Variants in HMGA2 observed in about 807,000 individuals in gnomAD.
The protein encoded by HMGA2 is high mobility group protein HMGI-C.
A neutral mutation model predicts 19.1 loss-of-function variants in HMGA2; 8 were observed. That is an observed-to-expected ratio of 0.42 (90% confidence interval 0.25 to 0.76). The LOEUF is 0.76. Among genes scored for constraint, HMGA2 ranks in the 30% least tolerant of loss-of-function variants. The pLI is 0.28. For missense variants in HMGA2, 109 were observed against 136.3 expected (o/e 0.80, Z 1.00); for synonymous variants, 60 against 48.8 (o/e 1.23, Z -0.96).
intron 3 of HMGA2, among the ~76,000 whole-genome samples, chr12:65,882,393 T>G (rs1435876139): frequency 4.6e-5 from 7 of 151,972 alleles, no homozygotes. Flanking sequence ...AGCAGCTGAG[T>G]GTGGAAACAA....
chr12:65,932,350 C>T (rs1231876581), intron 3 of HMGA2, among the ~76,000 whole-genome samples: 1 of 152,156 alleles, frequency 6.6e-6, no homozygotes, highest in Non-Finnish European at 1.5e-5. Context: ...TTATGTTTCT[C>T]TTGATAATGT....
chr12:65,955,110 G>A (rs1371919829), intron 4 of HMGA2: 1 of 152,194 alleles, frequency 6.6e-6, no homozygotes, highest in African/African-American at 2.4e-5. Context: ...GAACCTGGTT[G>A]GCGGGGGAGG....
At chr12:65,838,666 C>T in intron 3 of HMGA2, 97 bp downstream of exon 3, 1 of 865,108 alleles carries the variant, frequency 1.2e-6, no homozygotes, top group Admixed American at 2.1e-5. Context: ...CATGAATTTC[C>T]AACTTCTGGT....
At chr12:65,849,734 G>GTCTTTTT (rs1309933646) in intron 3 of HMGA2, among the ~76,000 whole-genome samples, 1 of 102,036 alleles carries the variant, frequency 9.8e-6, no homozygotes, top group African/African-American at 5.9e-5. Context: ...GGTAGGCTCT[G>GTCTTTTT]TATTTTTTTT....
chr12:65,894,084 G>A (rs369492546), intron 3 of HMGA2, among the ~76,000 whole-genome samples: 10 of 152,222 alleles, frequency 6.6e-5, no homozygotes, highest in Middle Eastern at 3.4e-3. Context: ...CATTTCTTCC[G>A]TTGGCCAACT....
chr12:65,932,625 T>G (rs1875755699), intron 3 of HMGA2, among the ~76,000 whole-genome samples: 1 of 152,246 alleles, frequency 6.6e-6, no homozygotes, highest in Admixed American at 6.5e-5. Context: ...CACAGTACCA[T>G]GACAGATAGA....
chr12:65,943,193 T>C (rs1876148736), intron 3 of HMGA2, among the ~76,000 whole-genome samples: 1 of 152,240 alleles, frequency 6.6e-6, no homozygotes, highest in African/African-American at 2.4e-5. Flanking sequence ...TTCCTGCCTG[T>C]CATATAGTTC....
At position 65,824,729 on chromosome 12, in the gene HMGA2, C is replaced by CTCTCTCTG. The variant is rs1555179147; in HGVS notation, c.-535_-534insGTCTCTCT. The CTCTCTCTG allele has an allele frequency of 1.6e-4, 30 of 188,780 alleles. 1 individual carries two copies. Among genetic ancestry groups the CTCTCTCTG allele is most frequent in the African/African-American group, 9.1e-4 (29 of 31,886 alleles). The allele number at this position is 188,780 out of a possible 1,614,324, so 11.7% of individuals were successfully genotyped here. On this transcript the variant is annotated 5_prime_UTR_variant, in exon 1 of 5. Coordinates refer to ENST00000403681, the MANE Select transcript of HMGA2 (RefSeq NM_003483.6). Reference sequence around the variant, plus strand: ...CTCAATCTCTTCTCTCTCTCTCTCTCTCTCTCTCTCTCTCTCTCTCTCTCT... The same window carrying CTCTCTCTG: ...CTCAATCTCTTCTCTCTCTCTCTCTCTCTCTCTGTCTCTCTCTCTCTCTCTCTCTCTCT...
rs144591617 is a variant in HMGA2, at chr12:65,914,965, G to A, written c.250-36418G>A. On this transcript the variant is annotated intron_variant, in intron 3 of 4. Transcript: ENST00000403681. Reference sequence around the variant, plus strand: ...GCTGGGAATACAGGCGTGAGCCATCGTGCCTGGTCTAAAAAATGTCTATTA... The same window carrying A: ...GCTGGGAATACAGGCGTGAGCCATCATGCCTGGTCTAAAAAATGTCTATTA... 8.3e-5 allele frequency: 129 copies of A among 1,547,656 alleles called. No homozygotes were observed. In the East Asian group the frequency reaches 2.6e-3, roughly 31 times the overall value.
At chr12:65,849,478 C>A (rs1052340260) in intron 3 of HMGA2, among the ~76,000 whole-genome samples, 8 of 152,152 alleles carry the variant, frequency 5.3e-5, no homozygotes, top group Admixed American at 2.0e-4. Context: ...TCTAAAATTT[C>A]TCTTTTAAGA....
intron 3 of HMGA2, among the ~76,000 whole-genome samples, chr12:65,866,363 GGA>G (rs1454886201): frequency 6.6e-6 from 1 of 152,194 alleles, no homozygotes; most frequent in Non-Finnish European, 1.5e-5. Flanking sequence ...TTAATGTAAT[GGA>G]GAGTATTGGA....
At chr12:65,916,237 G>A (rs1196780030) in intron 3 of HMGA2, among the ~76,000 whole-genome samples, 1 of 152,110 alleles carries the variant, frequency 6.6e-6, no homozygotes, top group East Asian at 1.9e-4. Context: ...TAACTGATAG[G>A]TATTCTTACA....
chr12:65,952,474 G>T, intron 4 of HMGA2: 1 of 1,530,272 alleles, frequency 6.5e-7, no homozygotes, highest in Non-Finnish European at 8.7e-7. Context: ...TCCAAGGAAA[G>T]TGTCTTCAAA....
In HMGA2 at chr12:65,834,308, C is replaced by T. The variant is rs1031148691; in HGVS notation, c.199-4211C>T. On this transcript the variant is annotated intron_variant, in intron 2 of 4. Transcript: ENST00000403681. ...AGGGATTGGAAATGTATGCCTTCTGCGACTGATACCCACAAGACTTCTGGT... is the reference window on the plus strand; with the variant it reads ...AGGGATTGGAAATGTATGCCTTCTGTGACTGATACCCACAAGACTTCTGGT... Among the ~76,000 whole-genome samples, 8 of 152,148 alleles carry T rather than the reference C, an allele frequency of 5.3e-5. No homozygotes were observed. In the South Asian group the frequency reaches 8.3e-4, roughly 16 times the overall value.
intron 3 of HMGA2, among the ~76,000 whole-genome samples, chr12:65,855,772 C>T (rs1352498077): frequency 6.6e-6 from 1 of 151,842 alleles, no homozygotes; most frequent in African/African-American, 2.4e-5. Flanking sequence ...GAGTAAAACA[C>T]TATCAATGTG....
chr12:65,947,118 C>G (rs1333660611), intron 3 of HMGA2, among the ~76,000 whole-genome samples: 1 of 151,700 alleles, frequency 6.6e-6, no homozygotes, highest in African/African-American at 2.4e-5. Context: ...TTTGAATTCT[C>G]ACCACTTTTT....
Position 65,964,463 on chromosome 12 carries a change from G to T in HMGA2, c.*1171G>T. ...TTTTGACATAAGATGGTTGACCAAG[G>T]TGCTTTTCTTCGGCTTGAGTTCACC... On this transcript the variant is annotated 3_prime_UTR_variant, in exon 5 of 5. Transcript: ENST00000403681. 4.5e-6 allele frequency: 1 copy of T among 220,558 alleles called. No individual in the cohort carries two copies. The highest frequency in any genetic ancestry group is 1.9e-4 in the South Asian group (1 of 5,366). 13.7% of individuals were successfully genotyped at this position (220,558 alleles called of 1,614,324 possible). A position where few individuals can be genotyped will look rare whatever the true frequency, so the allele number is the denominator to read the frequency against.
intron 3 of HMGA2, among the ~76,000 whole-genome samples, chr12:65,912,831 A>T (rs1874903616): frequency 6.6e-6 from 1 of 152,160 alleles, no homozygotes; most frequent in Non-Finnish European, 1.5e-5. Context: ...TTCTCATAGG[A>T]TGATCATGCC....
At chr12:65,867,469 G>A (rs1187798975) in intron 3 of HMGA2, 1 of 454,974 alleles carries the variant, frequency 2.2e-6, no homozygotes, top group South Asian at 1.6e-5. Context: ...TTCCCTTAAT[G>A]AGTGTTTATT....
Sources: allele counts gnomAD v4.1 joint callset (sites outside exome capture counted in the v4.1 genomes callset), GRCh38; gene constraint gnomAD v4.1.1; transcripts MANE v1.5; gene names NCBI Gene and HGNC (gene_info 2026-07-23, HGNC 2026-07-21).